The following RRM2B variants were observed in gnomAD, a reference collection of about 807,000 sequenced individuals.
The protein encoded by RRM2B is ribonucleotide reductase regulatory TP53 inducible subunit M2B.
Under a neutral mutation model 45.9 loss-of-function variants are expected in RRM2B, and 20 were observed. The ratio of observed to expected loss-of-function variants is 0.44; its 90% CI spans 0.31 to 0.63. RRM2B has a LOEUF of 0.63. RRM2B is among the 30% of genes least tolerant of loss of function. RRM2B has a pLI of 0.09. For synonymous variants in RRM2B, 124 were observed against 132.3 expected, an observed-to-expected ratio of 0.94 and a Z score of 0.43; for missense variants, 320 against 414.7, an observed-to-expected ratio of 0.77 and a Z score of 1.98.
intron 7 of RRM2B, among the ~76,000 whole-genome samples, chr8:102,213,326 T>C (rs926982757): frequency 6.6e-6 from 1 of 151,974 alleles, no homozygotes; most frequent in Non-Finnish European, 1.5e-5. Flanking sequence ...ACAAACAGAT[T>C]TGGGGGTTGG....
intron 1 of RRM2B, chr8:102,238,423 A>G: frequency 2.9e-6 from 2 of 701,728 alleles, no homozygotes; most frequent in South Asian, 3.6e-5. Flanking sequence ...CCTTGTCACC[A>G]TCCCAAATGG....
chr8:102,216,379 ATT>A (rs1810731026), intron 6 of RRM2B, among the ~76,000 whole-genome samples: 1 of 152,178 alleles, frequency 6.6e-6, no homozygotes, highest in Non-Finnish European at 1.5e-5. Flanking sequence ...CTGGAAGTGG[ATT>A]ACATAAAATT....
At chr8:102,227,690 T>C (rs1810956224) in intron 2 of RRM2B, among the ~76,000 whole-genome samples, 2 of 152,210 alleles carry the variant, frequency 1.3e-5, no homozygotes, top group Admixed American at 6.5e-5. Flanking sequence ...CAGCATACTT[T>C]TATTTTTCTT....
At chr8:102,212,613 T>G (rs1810654364) in intron 8 of RRM2B, among the ~76,000 whole-genome samples, 163 bp downstream of exon 8, 1 of 152,234 alleles carries the variant, frequency 6.6e-6, no homozygotes, top group Admixed American at 6.5e-5. Context: ...AATTTTAAAT[T>G]TCAAAGGATT....
chr8:102,236,261 C>T (rs1237336555), intron 1 of RRM2B, among the ~76,000 whole-genome samples: 4 of 152,086 alleles, frequency 2.6e-5, no homozygotes, highest in African/African-American at 9.7e-5. Context: ...TGCCCCCAAC[C>T]CCAGGTGCTG....
At chr8:102,232,125 G>T in intron 2 of RRM2B, 24 bp downstream of exon 2, 1 of 1,608,806 alleles carries the variant, frequency 6.2e-7, no homozygotes, top group Middle Eastern at 1.7e-4. Context: ...GGATGTGAAT[G>T]CTCTTGGAGG....
rs945530498 is a variant in RRM2B, at chr8:102,207,588, C to T, written c.*545G>A. ...CCCTAAGCATTAAAAATACAAAGAT[C>T]TAATTCTAGATCCTAGGACCTAGAA... On this transcript the variant is annotated 3_prime_UTR_variant, in exon 9 of 9. Coordinates refer to ENST00000251810, the MANE Select transcript of RRM2B (RefSeq NM_015713.5). 4 of 152,378 alleles carry T rather than the reference C, an allele frequency of 2.6e-5. No individual in the cohort carries two copies. The highest frequency in any genetic ancestry group is 5.9e-5 in the Non-Finnish European group (4 of 68,230). The allele number at this position is 152,378 out of a possible 1,614,324, so 9.4% of individuals were successfully genotyped here. A position where few individuals can be genotyped will look rare whatever the true frequency, so the allele number is the denominator to read the frequency against.
At chr8:102,226,070 A>T (rs369765119) in intron 2 of RRM2B, 36 bp from the exon 3 acceptor site, 3 of 1,282,942 alleles carry the variant, frequency 2.3e-6, no homozygotes, top group Non-Finnish European at 3.4e-6. Context: ...TTTAATTTGG[A>T]GTTAAGTTCT....
chr8:102,215,679 C>A (rs972755466), intron 6 of RRM2B, among the ~76,000 whole-genome samples: 1 of 151,958 alleles, frequency 6.6e-6, no homozygotes, highest in African/African-American at 2.4e-5. Context: ...GGCACGGGGG[C>A]TCATGCCTGT....
At chr8:102,227,586 G>A (rs1446819916) in intron 2 of RRM2B, among the ~76,000 whole-genome samples, 1 of 152,196 alleles carries the variant, frequency 6.6e-6, no homozygotes. Context: ...ACAGGCCTGA[G>A]CCACTGCACC....
In RRM2B at chr8:102,215,938, C is replaced by G. The variant is rs1046063913; in HGVS notation, c.685-1780G>C. 8.0e-4 allele frequency among the ~76,000 whole-genome samples: 84 copies of G among 105,606 alleles called. 1 individual carries two copies. Among genetic ancestry groups the G allele is most frequent in the African/African-American group, 3.4e-3 (81 of 23,834 alleles). 69.3% of individuals were successfully genotyped at this position (105,606 alleles called of 152,430 possible). A position where few individuals can be genotyped will look rare whatever the true frequency, so the allele number is the denominator to read the frequency against. On this transcript the variant is annotated intron_variant, in intron 6 of 8. Coordinates refer to ENST00000251810, the MANE Select transcript of RRM2B (RefSeq NM_015713.5). ...TCAGCCTGGGTGACAGAGAAAGACC[C>G]TGTCTCAAAAAAAAAAAAAAAAAAA...
intron 8 of RRM2B, among the ~76,000 whole-genome samples, chr8:102,210,166 G>A (rs1228936331): frequency 6.6e-6 from 1 of 152,180 alleles, no homozygotes; most frequent in Non-Finnish European, 1.5e-5. Context: ...CATGCTATGT[G>A]ACTTAATCTT....
At chr8:102,226,753 C>T (rs150638884) in intron 2 of RRM2B, among the ~76,000 whole-genome samples, 3 of 152,244 alleles carry the variant, frequency 2.0e-5, no homozygotes, top group East Asian at 1.9e-4. Context: ...CTCGCTCTGT[C>T]GCCAGGCTAG....
rs370688634 is a variant in RRM2B at position 102,206,920 on chromosome 8, C to A, written c.*1213G>T. 9.9e-5 allele frequency: 15 copies of A among 152,186 alleles called. No homozygotes were observed. Among genetic ancestry groups the A allele is most frequent in the East Asian group, 9.6e-4 (5 of 5,186 alleles). The allele number at this position is 152,186 out of a possible 1,614,324, so 9.4% of individuals were successfully genotyped here. A position where few individuals can be genotyped will look rare whatever the true frequency, so the allele number is the denominator to read the frequency against. On this transcript the variant is annotated 3_prime_UTR_variant, in exon 9 of 9. Coordinates refer to ENST00000251810, the MANE Select transcript of RRM2B (RefSeq NM_015713.5). ...CAAGAGTTTTAAAACCATAAAGAAACACAGCCTAAGTCAATTGCTGGTACA... is the reference window on the plus strand; with the variant it reads ...CAAGAGTTTTAAAACCATAAAGAAAAACAGCCTAAGTCAATTGCTGGTACA...
intron 5 of RRM2B, chr8:102,219,150 T>C (rs2132549782): frequency 1.7e-6 from 1 of 589,058 alleles, no homozygotes; most frequent in Non-Finnish European, 3.0e-6. Context: ...CTTCAAATCC[T>C]CTGTCAGACG....
At chr8:102,237,653 T>C (rs1262185735) in intron 1 of RRM2B, among the ~76,000 whole-genome samples, 1 of 152,188 alleles carries the variant, frequency 6.6e-6, no homozygotes, top group Non-Finnish European at 1.5e-5. Flanking sequence ...ATAGGAGTAA[T>C]AAATAAAATG....
At chr8:102,225,228 C>CTTTTTTTTTTTTT (rs918693739) in intron 3 of RRM2B, among the ~76,000 whole-genome samples, 2 of 87,508 alleles carry the variant, frequency 2.3e-5, no homozygotes, top group Non-Finnish European at 2.1e-5. Flanking sequence ...ATAGTATATT[C>CTTTTTTTTTTTTT]TTTTTTTTTT....
rs1342732925 is a variant in RRM2B, at chr8:102,238,886, C to A, written c.-12G>T. ...TCCGGGTCGCCCATCGCGCAGACTC[C>A]GCCGAAGCTACGGGCGCTGAGGGAA... On this transcript the variant is annotated 5_prime_UTR_variant, in exon 1 of 9. Coordinates refer to ENST00000251810, the MANE Select transcript of RRM2B (RefSeq NM_015713.5). 6.2e-7 allele frequency: 1 copy of A among 1,610,370 alleles called. No individual in the cohort carries two copies. Among genetic ancestry groups the A allele is most frequent in the Non-Finnish European group, 8.5e-7 (1 of 1,179,844 alleles).
chr8:102,233,864 T>G (rs1811074940), intron 1 of RRM2B, among the ~76,000 whole-genome samples: 1 of 152,114 alleles, frequency 6.6e-6, no homozygotes, highest in Non-Finnish European at 1.5e-5. Flanking sequence ...CAGGCTAGAG[T>G]GCATAGATCA....
Sources: allele counts gnomAD v4.1 joint callset (sites outside exome capture counted in the v4.1 genomes callset), GRCh38; gene constraint gnomAD v4.1.1; transcripts MANE v1.5; gene names NCBI Gene and HGNC (gene_info 2026-07-23, HGNC 2026-07-21).